The following CALHM1 variants were observed in gnomAD, a reference collection of about 807,000 sequenced individuals.
CALHM1 encodes calcium homeostasis modulator protein 1.
A neutral mutation model predicts 14.8 loss-of-function variants in CALHM1; 11 were observed. That is an observed-to-expected ratio of 0.74 (90% CI 0.47 to 1.23). The LOEUF is 1.23. Ranked by LOEUF, CALHM1 falls within the 50% of genes most tolerant of loss-of-function variation. CALHM1 has a pLI of 0.00. For missense variants in CALHM1, 458 were observed against 496.4 expected, an observed-to-expected ratio of 0.92 and a Z score of 0.74; for synonymous variants, 215 against 218.9, an observed-to-expected ratio of 0.98 and a Z score of 0.16.
rs2033138946 is a variant in CALHM1 at position 103,455,587 on chromosome 10, GCGTGCTC to G, written c.709_715del (p.Glu237ProfsTer16). 4.3e-6 allele frequency: 7 copies of G among 1,613,918 alleles called. No individual in the cohort carries two copies. The highest frequency in any genetic ancestry group is 5.9e-6 in the Non-Finnish European group (7 of 1,180,052). ...GATGCAGACCTTGGCAAAGGCTTTGGCGTGCTCCGTGCACGTCTCGTCGAAGAGCTTG... is the reference window on the plus strand; with the variant it reads ...GATGCAGACCTTGGCAAAGGCTTTGGCGTGCACGTCTCGTCGAAGAGCTTG... On this transcript the variant is annotated frameshift_variant, in exon 2 of 2. Coordinates refer to ENST00000329905, the MANE Select transcript of CALHM1 (RefSeq NM_001001412.4). LOFTEE classifies it low-confidence loss of function (END_TRUNC).
At chr10:103,455,783 C>T (rs769037813) in intron 1 of CALHM1, 36 bp from the exon 2 acceptor site, 25 of 1,588,094 alleles carry the variant, frequency 1.6e-5, no homozygotes, top group Middle Eastern at 1.7e-4. Context: ...GGGGCACTGT[C>T]CTTGGGCCTC....
chr10:103,455,489 C>T lies in CALHM1; in HGVS notation c.814G>A (p.Ala272Thr), dbSNP rs780770385. ...GGGGTCGTGGGGGCAGCTGCGGAAG[C>T]AGGGGCCGTGGCCAGTGTCCCGTGG... Reference protein sequence around the residue: ...HTHGTLATAPASAAAPTTPDG... With the variant: ...HTHGTLATAPTSAAAPTTPDG... The change falls in exon 2 of 2, where the codon GCT (alanine) becomes ACT (threonine). Residue 272 changes from alanine (A) to threonine (T), a missense_variant. Transcript: ENST00000329905. 4.3e-6 allele frequency: 7 copies of T among 1,613,356 alleles called. No individual in the cohort carries two copies. Among genetic ancestry groups the T allele is most frequent in the Middle Eastern group, 1.6e-4 (1 of 6,084 alleles).
intron 1 of CALHM1, among the ~76,000 whole-genome samples, chr10:103,457,904 C>T (rs1178053742): frequency 6.6e-6 from 1 of 152,214 alleles, no homozygotes; most frequent in Non-Finnish European, 1.5e-5. Context: ...CTCCAGCTTC[C>T]AAGCTCAGAA....
At position 103,455,753 on chromosome 10, in the gene CALHM1, G is replaced by A; in HGVS notation, c.556-6C>T. On this transcript the variant is annotated splice_region_variant and splice_polypyrimidine_tract_variant and intron_variant, in intron 1 of 1. Coordinates refer to ENST00000329905, the MANE Select transcript of CALHM1 (RefSeq NM_001001412.4). ...ACGAAGGACCAGCCCAGCGCCTGTG[G>A]GAAGATGAGAGAGAGTCACGGGGCA... The A allele has an allele frequency of 1.9e-6, 3 of 1,608,758 alleles. No individual in the cohort carries two copies. Among genetic ancestry groups the A allele is most frequent in the Non-Finnish European group, 2.5e-6 (3 of 1,177,176 alleles).
At position 103,458,205 on chromosome 10, in the gene CALHM1, T is replaced by G; in HGVS notation, c.547A>C (p.Ile183Leu). 6.2e-7 allele frequency: 1 copy of G among 1,612,596 alleles called. No individual in the cohort carries two copies. The highest frequency in any genetic ancestry group is 8.5e-7 in the Non-Finnish European group (1 of 1,179,716). ...REVAVRYLRC[I>L]SQALGWSFVL... Reference sequence around the variant, plus strand: ...GCCATGCGGCCCCTCACCTGGGAGATGCAGCGGAGGTAACGCACGGCCACC... The same window carrying G: ...GCCATGCGGCCCCTCACCTGGGAGAGGCAGCGGAGGTAACGCACGGCCACC... Residue 183 changes from isoleucine to leucine, a missense_variant, in exon 1 of 2, where the codon ATC (isoleucine) becomes CTC (leucine). Coordinates refer to ENST00000329905, the MANE Select transcript of CALHM1 (RefSeq NM_001001412.4). The surrounding 1 kb of genome is among the most constrained non-coding windows in gnomAD (Gnocchi z 4.9).
At position 103,455,762 on chromosome 10, in the gene CALHM1, G is replaced by C. The variant is rs1270419463; in HGVS notation, c.556-15C>G. ...CAGCCCAGCGCCTGTGGGAAGATGAGAGAGAGTCACGGGGCACTGTCCTTG... is the reference window on the plus strand; with the variant it reads ...CAGCCCAGCGCCTGTGGGAAGATGACAGAGAGTCACGGGGCACTGTCCTTG... On this transcript the variant is annotated splice_polypyrimidine_tract_variant and intron_variant, in intron 1 of 1. Coordinates refer to ENST00000329905, the MANE Select transcript of CALHM1 (RefSeq NM_001001412.4). The C allele has an allele frequency of 6.2e-7, 1 of 1,606,542 alleles. No homozygotes were observed. The highest frequency in any genetic ancestry group is 8.5e-7 in the Non-Finnish European group (1 of 1,175,796).
intron 1 of CALHM1, among the ~76,000 whole-genome samples, chr10:103,455,968 G>GT (rs2033145939): frequency 6.6e-6 from 1 of 152,232 alleles, no homozygotes; most frequent in South Asian, 2.1e-4. Flanking sequence ...CGTGGGTAAA[G>GT]CACCCACCGT....
At chr10:103,457,870 G>A (rs1236433749) in intron 1 of CALHM1, among the ~76,000 whole-genome samples, 1 of 152,198 alleles carries the variant, frequency 6.6e-6, no homozygotes, top group Non-Finnish European at 1.5e-5. Flanking sequence ...GCCGAGGCCC[G>A]GAAGAGGGAA....
At position 103,454,979 on chromosome 10, in the gene CALHM1, A is replaced by G. The variant is rs571578279; in HGVS notation, c.*283T>C. 2.3e-4 allele frequency: 110 copies of G among 469,574 alleles called. No individual in the cohort carries two copies. In the East Asian group the frequency reaches 3.6e-3, roughly 15 times the overall value. The allele number at this position is 469,574 out of a possible 1,614,324, so 29.1% of individuals were successfully genotyped here. ...GGGAAGGGCTGGGCAGAGGGGAGCC[A>G]TTGGTCCCTGTACCTGCCATGACAG... On this transcript the variant is annotated 3_prime_UTR_variant, in exon 2 of 2. Transcript: ENST00000329905.
Position 103,455,451 on chromosome 10 carries a change from C to T in CALHM1, c.852G>A (p.Glu284=). 5.6e-6 allele frequency: 9 copies of T among 1,613,946 alleles called. No individual in the cohort carries two copies. Among genetic ancestry groups the T allele is most frequent in the Non-Finnish European group, 6.8e-6 (8 of 1,180,008 alleles). ...TGCCACGCAGCTTCTCCCTTTCCTCCTCCGCACCATCGGGGGTCGTGGGGG... is the reference window on the plus strand; with the variant it reads ...TGCCACGCAGCTTCTCCCTTTCCTCTTCCGCACCATCGGGGGTCGTGGGGG... ...AAAPTTPDGA[E]EEREKLRGIT... Residue 284 remains glutamate, a synonymous_variant, in exon 2 of 2, where the codon GAG becomes GAA. Transcript: ENST00000329905.
In CALHM1 at chr10:103,455,509, C is replaced by G; in HGVS notation, c.794G>C (p.Gly265Ala). ...GGAAGCAGGGGCCGTGGCCAGTGTC[C>G]CGTGGGTGTGACCCAGCTCCAGGTC... ...NHDLELGHTH[G>A]TLATAPASAA... The change falls in exon 2 of 2, where the codon GGG (glycine) becomes GCG (alanine). Residue 265 changes from glycine (G) to alanine (A), a missense_variant. Gly to Ala is a moderately conservative substitution (Grantham distance 60). Transcript: ENST00000329905. 3.1e-6 allele frequency: 5 copies of G among 1,613,522 alleles called. No individual in the cohort carries two copies. The highest frequency in any genetic ancestry group is 4.2e-6 in the Non-Finnish European group (5 of 1,179,852).
In CALHM1 at chr10:103,453,446, GA is replaced by G. The variant is rs1270919430; in HGVS notation, c.*1815del. 1.3e-5 allele frequency: 2 copies of G among 150,636 alleles called. No homozygotes were observed. The highest frequency in any genetic ancestry group is 1.3e-4 in the Admixed American group (2 of 15,118). 9.3% of individuals were successfully genotyped at this position (150,636 alleles called of 1,614,324 possible). A position where few individuals can be genotyped will look rare whatever the true frequency, so the allele number is the denominator to read the frequency against. On this transcript the variant is annotated 3_prime_UTR_variant, in exon 2 of 2. Transcript: ENST00000329905. ...TTCTTATTATTATTATTACTTTACA[GA>G]GACAGAGTCTTGCTATGTTGCCCAG...
In CALHM1 at chr10:103,455,469, C is replaced by T. The variant is rs756216448; in HGVS notation, c.834G>A (p.Thr278=). The change falls in exon 2 of 2, where the codon ACG becomes ACA. Residue 278 remains threonine, a synonymous_variant. Transcript: ENST00000329905. ...TTTCCTCCTCCGCACCATCGGGGGT[C>T]GTGGGGGCAGCTGCGGAAGCAGGGG... is the stretch of plus-strand genomic sequence containing the variant. ...ATAPASAAAP[T]TPDGAEEERE... is the part of the protein sequence containing the mutation. The T allele has an allele frequency of 7.4e-6, 12 of 1,613,624 alleles. No individual in the cohort carries two copies. Among genetic ancestry groups the T allele is most frequent in the South Asian group, 3.3e-5 (3 of 91,016 alleles).
Position 103,458,172 on chromosome 10 carries a change from A to G in CALHM1, c.555+25T>C. ...GGACCTTGATCTGCCAGGGAGACCCAGCGTGAAGCCATGCGGCCCCTCACC... is the reference window on the plus strand; with the variant it reads ...GGACCTTGATCTGCCAGGGAGACCCGGCGTGAAGCCATGCGGCCCCTCACC... On this transcript the variant is annotated intron_variant, in intron 1 of 1. Transcript: ENST00000329905. This position sits in a 1 kb window ranked among gnomAD's most constrained non-coding sequence, Gnocchi z 4.9. 3.7e-6 allele frequency: 6 copies of G among 1,610,530 alleles called. No homozygotes were observed. Among genetic ancestry groups the G allele is most frequent in the Non-Finnish European group, 5.1e-6 (6 of 1,179,432 alleles).
At position 103,454,168 on chromosome 10, in the gene CALHM1, G is replaced by A. The variant is rs530882524; in HGVS notation, c.*1094C>T. The A allele has an allele frequency of 1.3e-5, 2 of 152,354 alleles. No homozygotes were observed. Among genetic ancestry groups the A allele is most frequent in the African/African-American group, 4.8e-5 (2 of 41,578 alleles). 9.4% of individuals were successfully genotyped at this position (152,354 alleles called of 1,614,324 possible). On this transcript the variant is annotated 3_prime_UTR_variant, in exon 2 of 2. Transcript: ENST00000329905. ...CCACCCTGTGCTGGGTGCCTACTATGTGCCATGTGCTTTTACACACAGCAA... is the reference window on the plus strand; with the variant it reads ...CCACCCTGTGCTGGGTGCCTACTATATGCCATGTGCTTTTACACACAGCAA...
chr10:103,455,223 G>C lies in CALHM1; in HGVS notation c.*39C>G. On this transcript the variant is annotated 3_prime_UTR_variant, in exon 2 of 2. Coordinates refer to ENST00000329905, the MANE Select transcript of CALHM1 (RefSeq NM_001001412.4). ...GGTTTGGGGGTTGGAGGGGCTGTGG[G>C]CTCAGATCCCCGTTCCTGCCTCTTC... is the stretch of plus-strand genomic sequence containing the variant. The C allele has an allele frequency of 6.5e-7, 1 of 1,528,346 alleles. No homozygotes were observed. Among genetic ancestry groups the C allele is most frequent in the African/African-American group, 1.4e-5 (1 of 72,896 alleles). The allele number at this position is 1,528,346 out of a possible 1,614,324, so 94.7% of individuals were successfully genotyped here.
At chr10:103,457,709 A>G (rs2033166902) in intron 1 of CALHM1, among the ~76,000 whole-genome samples, 1 of 152,088 alleles carries the variant, frequency 6.6e-6, no homozygotes, top group South Asian at 2.1e-4. Flanking sequence ...TTTCCATCAC[A>G]TCCCAACAGG....
At chr10:103,457,894 C>A (rs759764464) in intron 1 of CALHM1, among the ~76,000 whole-genome samples, 49 of 152,358 alleles carry the variant, frequency 3.2e-4, no homozygotes, top group Non-Finnish European at 1.8e-4. Context: ...ATGCAAATTC[C>A]TCCAGCTTCC....
At position 103,458,517 on chromosome 10, in the gene CALHM1, C is replaced by G. The variant is rs1370288474; in HGVS notation, c.235G>C (p.Ala79Pro). Residue 79 changes from alanine to proline, a missense_variant, in exon 1 of 2, where the codon GCC becomes CCC. By Grantham distance (27) the Ala-to-Pro change is conservative. Transcript: ENST00000329905. This position sits in a 1 kb window ranked among gnomAD's most constrained non-coding sequence, Gnocchi z 4.9. ...LVMNNNVSMLAEEWKRPLGRR... is the reference protein window; with the variant it reads ...LVMNNNVSMLPEEWKRPLGRR... ...CCCAGCGGCCGCTTCCACTCTTCGG[C>G]CAGCATGGACACGTTGTTGTTCATG... 1 of 1,613,592 alleles carries G rather than the reference C, an allele frequency of 6.2e-7. No homozygotes were observed. Among genetic ancestry groups the G allele is most frequent in the Non-Finnish European group, 8.5e-7 (1 of 1,180,026 alleles).
Sources: gnomAD v4.1 joint callset for allele counts (sites outside exome capture counted in the v4.1 genomes callset) on GRCh38, gnomAD v4.1.1 for gene constraint, Gnocchi (gnomAD v3.1) non-coding constraint, MANE v1.5 for transcripts, NCBI Gene and HGNC (gene_info 2026-07-23, HGNC 2026-07-21) for gene names.